The following NRXN2 variants were observed in gnomAD, a reference collection of about 807,000 sequenced individuals.
NRXN2 encodes neurexin-2-beta.
Under a neutral mutation model 128.8 loss-of-function variants are expected in NRXN2, and 29 were observed. The ratio of observed to expected loss-of-function variants is 0.23; its 90% CI spans 0.17 to 0.31. NRXN2 has a LOEUF of 0.31. Among genes scored for constraint, NRXN2 ranks in the 10% least tolerant of loss-of-function variants. The pLI, the probability that NRXN2 is intolerant of heterozygous loss-of-function variation, is 1.00. For missense variants in NRXN2, 1,881 were observed against 2,452.6 expected, an observed-to-expected ratio of 0.77 and a Z score of 4.92; for synonymous variants, 1,098 against 1,075.2, an observed-to-expected ratio of 1.02 and a Z score of -0.41.
chr11:64,627,530 C>T (rs1034402483), intron 19 of NRXN2, among the ~76,000 whole-genome samples: 7 of 152,054 alleles, frequency 4.6e-5, no homozygotes, highest in Non-Finnish European at 1.0e-4. Context: ...TTCCAGGCTC[C>T]TCCCCCCAGT....
chr11:64,613,946 G>A (rs529999904), intron 22 of NRXN2, among the ~76,000 whole-genome samples: 106 of 152,226 alleles, frequency 7.0e-4, no homozygotes, highest in African/African-American at 2.4e-3. Context: ...CTGAGGGAAA[G>A]GGCTGGGAAA....
intron 3 of NRXN2, 51 bp downstream of exon 3, chr11:64,697,724 A>T (rs773407214): frequency 6.2e-7 from 1 of 1,609,996 alleles, no homozygotes; most frequent in Non-Finnish European, 8.5e-7. Context: ...CTCATGTAGG[A>T]TCCCCATGGC....
intron 21 of NRXN2, 113 bp from the exon 22 acceptor site, chr11:64,620,485 A>G: frequency 1.2e-6 from 1 of 822,432 alleles, no homozygotes; most frequent in South Asian, 1.4e-5. Flanking sequence ...GCTGAGACGG[A>G]CCAGACTGGT....
At chr11:64,692,912 AAAAG>A (rs1020893566) in intron 3 of NRXN2, 36 bp from the exon 4 acceptor site, 2 of 1,547,596 alleles carry the variant, frequency 1.3e-6, no homozygotes, top group African/African-American at 2.7e-5. Context: ...AAGAAAGAAA[AAAAG>A]AAGAAGAAAA....
intron 17 of NRXN2, among the ~76,000 whole-genome samples, chr11:64,643,966 G>A (rs1403961152): frequency 1.4e-5 from 2 of 140,626 alleles, no homozygotes; most frequent in East Asian, 4.6e-4. Context: ...CGCAACGCAC[G>A]TGCACACTGA....
intron 7 of NRXN2, among the ~76,000 whole-genome samples, chr11:64,670,945 G>C (rs1394108495): frequency 3.3e-5 from 5 of 152,264 alleles, no homozygotes; most frequent in African/African-American, 1.2e-4. Context: ...CCAGCCACTG[G>C]CCATCTCCCT....
intron 2 of NRXN2, among the ~76,000 whole-genome samples, chr11:64,701,847 T>G (rs1177866622): frequency 1.4e-5 from 2 of 145,024 alleles, no homozygotes; most frequent in Admixed American, 6.8e-5. Flanking sequence ...CGGCCGCCCC[T>G]ACTGGGAAGT....
intron 11 of NRXN2, among the ~76,000 whole-genome samples, chr11:64,654,679 AG>A (rs1446414334): frequency 4.6e-5 from 7 of 152,206 alleles, no homozygotes; most frequent in African/African-American, 1.7e-4. Flanking sequence ...GGTCTTGCAG[AG>A]GGAACAGTGG....
rs1310470620 is a variant in NRXN2, at chr11:64,723,135, C to T, written c.-409G>A. 1 of 147,394 alleles carries T rather than the reference C, an allele frequency of 6.8e-6. No homozygotes were observed. The highest frequency in any genetic ancestry group is 1.5e-5 in the Non-Finnish European group (1 of 66,006). 9.1% of individuals were successfully genotyped at this position (147,394 alleles called of 1,614,324 possible). On this transcript the variant is annotated 5_prime_UTR_variant, in exon 1 of 23. Transcript: ENST00000265459. The stretch of plus-strand genomic sequence containing the variant: ...CGCCCGCCCCGCCGCGGTGCCTCTC[C>T]GAGGAGGATGCTCCGCGAGTCAGGG...
intron 2 of NRXN2, among the ~76,000 whole-genome samples, chr11:64,702,408 G>T (rs1180924015): frequency 6.6e-6 from 1 of 152,044 alleles, no homozygotes; most frequent in Admixed American, 6.5e-5. Flanking sequence ...TGCCGTGTCT[G>T]TGTAGAAAGA....
At position 64,668,544 on chromosome 11, in the gene NRXN2, T is replaced by C. The variant is rs2050200817; in HGVS notation, c.1258A>G (p.Met420Val). Residue 420 changes from methionine to valine, a missense_variant, in exon 8 of 23, where the codon ATG becomes GTG. Met to Val is a conservative substitution (Grantham distance 21). Coordinates refer to ENST00000265459, the MANE Select transcript of NRXN2 (RefSeq NM_015080.4). ...TAGAAGAAGTCATCAGAGCCCAGCA[T>C]GGTGTAATCCTCCTGCGTGTAGCCT... ...TTGYTQEDYT[M>V]LGSDDFFYIG... 6.2e-7 allele frequency: 1 copy of C among 1,613,916 alleles called. No individual in the cohort carries two copies. Among genetic ancestry groups the C allele is most frequent in the East Asian group, 2.2e-5 (1 of 44,844 alleles).
chr11:64,653,061 T>C (rs927260002), intron 12 of NRXN2, among the ~76,000 whole-genome samples: 1 of 151,892 alleles, frequency 6.6e-6, no homozygotes, highest in African/African-American at 2.4e-5. Context: ...AGCCACACCA[T>C]GCAGAAACAC....
intron 2 of NRXN2, among the ~76,000 whole-genome samples, chr11:64,701,834 G>A (rs1375935737): frequency 4.0e-5 from 6 of 149,520 alleles, no homozygotes; most frequent in Non-Finnish European, 8.9e-5. Flanking sequence ...GGGCGCCTCT[G>A]CCCGGCCGCC....
chr11:64,690,405 C>A lies in NRXN2; in HGVS notation c.850G>T (p.Gly284Cys), dbSNP rs1159935878. ...GAGDVHQPTK[G>C]KEEFVATFKG... ...TCTGGGGACCATGGGGGTCACTGACCTTTTGTTGGCTGGTGCACATCGCCG... is the reference window on the plus strand; with the variant it reads ...TCTGGGGACCATGGGGGTCACTGACATTTTGTTGGCTGGTGCACATCGCCG... The change falls in exon 5 of 23, where the codon GGC (glycine) becomes TGC (cysteine). Residue 284 changes from glycine to cysteine, a missense_variant and splice_region_variant. Physicochemically the swap from Gly to Cys is radical, Grantham distance 159. Transcript: ENST00000265459. 6.2e-7 allele frequency: 1 copy of A among 1,612,426 alleles called. No homozygotes were observed.
intron 2 of NRXN2, among the ~76,000 whole-genome samples, chr11:64,702,731 T>TC: frequency 7.1e-6 from 1 of 141,192 alleles, no homozygotes; most frequent in Non-Finnish European, 1.5e-5. Flanking sequence ...CTGCTGACCT[T>TC]CCCTCCACTA....
intron 6 of NRXN2, among the ~76,000 whole-genome samples, chr11:64,681,125 A>T (rs1400962735): frequency 6.6e-6 from 1 of 151,944 alleles, no homozygotes; most frequent in Non-Finnish European, 1.5e-5. Flanking sequence ...GTAAAAAAAA[A>T]AAAAGTGAAT....
At position 64,714,362 on chromosome 11, in the gene NRXN2, C is replaced by T. The variant is rs2057219709; in HGVS notation, c.-244-419G>A. ...CCAGCCTCTGCCTGGCTCCCACCTCCAGCCACTGTTCCTCTCATCAGCTCT... is the reference window on the plus strand; with the variant it reads ...CCAGCCTCTGCCTGGCTCCCACCTCTAGCCACTGTTCCTCTCATCAGCTCT... On this transcript the variant is annotated intron_variant, in intron 1 of 22. Transcript: ENST00000265459. This position sits in a 1 kb window ranked among gnomAD's most constrained non-coding sequence, Gnocchi z 4.5. 6.6e-6 allele frequency among the ~76,000 whole-genome samples: 1 copy of T among 152,192 alleles called. No individual in the cohort carries two copies. Among genetic ancestry groups the T allele is most frequent in the African/African-American group, 2.4e-5 (1 of 41,434 alleles).
intron 11 of NRXN2, among the ~76,000 whole-genome samples, chr11:64,654,272 C>A (rs775017975): frequency 1.7e-4 from 26 of 152,124 alleles, no homozygotes; most frequent in Non-Finnish European, 3.1e-4. Context: ...CCTCCCAAAG[C>A]CCCAGTGGCT....
chr11:64,683,900 T>C (rs2052653487), intron 6 of NRXN2, among the ~76,000 whole-genome samples: 1 of 152,182 alleles, frequency 6.6e-6, no homozygotes, highest in Non-Finnish European at 1.5e-5. Context: ...TGTCTCCTCC[T>C]CTGTGTGGCT....
Sources: allele counts gnomAD v4.1 joint callset (sites outside exome capture counted in the v4.1 genomes callset), GRCh38; gene constraint gnomAD v4.1.1; non-coding constraint Gnocchi (gnomAD v3.1); transcripts MANE v1.5; gene names NCBI Gene and HGNC (gene_info 2026-07-23, HGNC 2026-07-21).